DAB1: variants seen among roughly 807,000 people sequenced by gnomAD.
DAB1 encodes the protein DAB adaptor protein 1, also known as disabled homolog 1.
Under a neutral mutation model 64.6 loss-of-function variants are expected in DAB1, and 15 were observed. The ratio of observed to expected loss-of-function variants is 0.23; its 90% CI spans 0.16 to 0.36. DAB1 has a LOEUF of 0.36. DAB1 is among the 10% of genes least tolerant of loss of function. The probability of loss-of-function intolerance (pLI) is 1.00; values close to 1 mark genes in which losing one functional copy is unlikely to be tolerated. For missense variants in DAB1, 596 were observed against 706.7 expected, an observed-to-expected ratio of 0.84 and a Z score of 1.78; for synonymous variants, 235 against 251.9, an observed-to-expected ratio of 0.93 and a Z score of 0.64.
intron 1 of DAB1, among the ~76,000 whole-genome samples, chr1:57,853,909 C>T (rs1653641579): frequency 6.6e-6 from 1 of 152,160 alleles, no homozygotes; most frequent in South Asian, 2.1e-4. Flanking sequence ...CTTCTGAGAC[C>T]TCCGCATCTG....
intron 2 of DAB1, among the ~76,000 whole-genome samples, chr1:58,511,901 A>G (rs1230380679): frequency 1.3e-5 from 2 of 152,180 alleles, no homozygotes; most frequent in Non-Finnish European, 2.9e-5. Context: ...ACGGGAAACA[A>G]AAGGCAAAAA....
chr1:57,715,790 C>T (rs1382484247), intron 6 of DAB1, among the ~76,000 whole-genome samples: 1 of 152,096 alleles, frequency 6.6e-6, no homozygotes, highest in Non-Finnish European at 1.5e-5. Context: ...GAAGTAGACA[C>T]AAATAAATCG....
chr1:57,423,282 G>A (rs1166733667), intron 1 of DAB1, among the ~76,000 whole-genome samples: 1 of 151,934 alleles, frequency 6.6e-6, no homozygotes, highest in East Asian at 1.9e-4. Context: ...AGTGGATGGA[G>A]GGGGACGAGC....
At chr1:58,492,113 C>G (rs1645705279) in intron 3 of DAB1, among the ~76,000 whole-genome samples, 1 of 152,182 alleles carries the variant, frequency 6.6e-6, no homozygotes, top group African/African-American at 2.4e-5. Flanking sequence ...AAGAAACCCA[C>G]TCAAAACCAC....
At position 57,447,386 on chromosome 1, in the gene DAB1, TAAAG is replaced by T. The variant is rs1686180603; in HGVS notation, n.626-156224_626-156221del. 9.2e-5 allele frequency among the ~76,000 whole-genome samples: 14 copies of T among 152,336 alleles called. No individual in the cohort carries two copies. The South Asian group carries it at 2.9e-3, about 32-fold the overall frequency. On this transcript the variant is annotated intron_variant and non_coding_transcript_variant, in intron 7 of 20. Transcript: ENST00000485760. Reference sequence around the variant, plus strand: ...CCTCTTAAGATTCTTAAAGAACTTCTAAAGAGAGAGATCCTTGTGCAGACTTATC... The same window carrying T: ...CCTCTTAAGATTCTTAAAGAACTTCTAGAGAGATCCTTGTGCAGACTTATC...
chr1:58,161,929 A>G (rs1209192322), intron 4 of DAB1, among the ~76,000 whole-genome samples: 1 of 152,190 alleles, frequency 6.6e-6, no homozygotes, highest in African/African-American at 2.4e-5. Context: ...GGCTGGCTGC[A>G]ATATAAAGAA....
At chr1:57,313,124 T>C (rs1182524522) in intron 1 of DAB1, among the ~76,000 whole-genome samples, 4 of 152,180 alleles carry the variant, frequency 2.6e-5, no homozygotes, top group Non-Finnish European at 5.9e-5. Flanking sequence ...GCACTCACTG[T>C]TTCTGTGGAA....
At chr1:57,280,841 A>C (rs1671831297) in intron 2 of DAB1, among the ~76,000 whole-genome samples, 2 of 152,182 alleles carry the variant, frequency 1.3e-5, no homozygotes, top group East Asian at 1.9e-4. Flanking sequence ...TCCTTGTGCA[A>C]ATAATTCTCC....
At chr1:58,457,079 G>A (rs1036369300) in intron 3 of DAB1, among the ~76,000 whole-genome samples, 2 of 152,116 alleles carry the variant, frequency 1.3e-5, no homozygotes, top group Non-Finnish European at 2.9e-5. Context: ...TAACTTAAAG[G>A]AGTCTTAAAG....
At chr1:57,646,796 G>A (rs1646196777) in intron 7 of DAB1, among the ~76,000 whole-genome samples, 2 of 152,156 alleles carry the variant, frequency 1.3e-5, no homozygotes, top group African/African-American at 4.8e-5. Context: ...GGTTGCTGAA[G>A]AAATGTAACA....
At chr1:57,395,419 A>G (rs6587768) in intron 1 of DAB1, among the ~76,000 whole-genome samples, 62,430 of 151,966 alleles carry the variant, frequency 0.41, 13,408 homozygotes, top group African/African-American at 0.47. Flanking sequence ...CTAATAAACT[A>G]GCTCTGAGCT....
At chr1:57,574,878 T>A (rs1052568957) in intron 7 of DAB1, among the ~76,000 whole-genome samples, 1 of 152,196 alleles carries the variant, frequency 6.6e-6, no homozygotes, top group Non-Finnish European at 1.5e-5. Flanking sequence ...ACAGCCCTAA[T>A]CTTTAGGACT....
At chr1:58,193,527 A>G (rs1388173286) in intron 4 of DAB1, among the ~76,000 whole-genome samples, 3 of 152,254 alleles carry the variant, frequency 2.0e-5, no homozygotes, top group Non-Finnish European at 4.4e-5. Context: ...ATTCTATGAA[A>G]TAAGTACTAT....
At position 58,067,241 on chromosome 1, in the gene DAB1, T is replaced by C. The variant is rs142025717; in HGVS notation, n.387+83270A>G. 4.5e-4 allele frequency among the ~76,000 whole-genome samples: 69 copies of C among 152,352 alleles called. 1 individual carries two copies. The East Asian group carries it at 0.013, about 29-fold the overall frequency. On this transcript the variant is annotated intron_variant and non_coding_transcript_variant, in intron 5 of 20. Transcript: ENST00000485760. ...TTTAATGTCTATTTTCCTGCTACAA[T>C]GTAACTATGACGAGGAGAGGGACTC...
At chr1:57,010,585 G>A (rs1646233227) in intron 14 of DAB1, 95 bp downstream of exon 14, 2 of 596,190 alleles carry the variant, frequency 3.4e-6, no homozygotes, top group Non-Finnish European at 5.7e-6. Flanking sequence ...GAGACATGGT[G>A]CAAACATTGA....
At chr1:57,935,873 T>C (rs1157664465) in intron 5 of DAB1, among the ~76,000 whole-genome samples, 1 of 152,114 alleles carries the variant, frequency 6.6e-6, no homozygotes, top group African/African-American at 2.4e-5. Context: ...AGTTGGCAAG[T>C]GGAGGAGGAA....
At chr1:57,735,609 GTTTTTTTTTTTTTTT>G (rs59456674) in intron 6 of DAB1, among the ~76,000 whole-genome samples, 8,261 of 95,376 alleles carry the variant, frequency 0.087, 336 homozygotes, top group Middle Eastern at 0.17. Context: ...CTGTTTGCTT[GTTTTTTTTTTTTTTT>G]TTTTTTTTTA....
upstream of DAB1, among the ~76,000 whole-genome samples, chr1:57,425,745 A>G (rs1685260518): frequency 6.6e-6 from 1 of 152,182 alleles, no homozygotes; most frequent in African/African-American, 2.4e-5. Context: ...CCCTGATACT[A>G]CTCGGTTTCT....
chr1:57,257,951 G>A (rs1029551240), intron 2 of DAB1, among the ~76,000 whole-genome samples: 1 of 152,180 alleles, frequency 6.6e-6, no homozygotes, highest in Non-Finnish European at 1.5e-5. Flanking sequence ...TACCTTAAGA[G>A]CCTTAGTTTA....
Sources: allele counts gnomAD v4.1 joint callset (sites outside exome capture counted in the v4.1 genomes callset), GRCh38; gene constraint gnomAD v4.1.1; transcripts MANE v1.5; gene names NCBI Gene and HGNC (gene_info 2026-07-23, HGNC 2026-07-21).